The following MSRB3 variants were observed in gnomAD, a reference collection of about 807,000 sequenced individuals.
MSRB3 encodes the protein methionine-R-sulfoxide reductase B3.
In MSRB3, 13 loss-of-function variants were observed where a neutral mutation model predicts 21.0. That is an observed-to-expected ratio of 0.62 (90% confidence interval 0.40 to 0.98). The LOEUF (loss-of-function observed/expected upper bound fraction) is 0.98, where lower values mean the gene tolerates loss of function less well. MSRB3 is among the 50% of genes least tolerant of loss of function. The pLI, the probability that MSRB3 is intolerant of heterozygous loss-of-function variation, is 0.00. For missense variants in MSRB3, 199 were observed against 230.3 expected (o/e 0.86, Z 0.88); for synonymous variants, 87 against 88.6 (o/e 0.98, Z 0.10).
intron 2 of MSRB3, chr12:65,308,945 C>T (rs1347941708): frequency 1.6e-5 from 7 of 449,370 alleles, no homozygotes; most frequent in Admixed American, 7.1e-5. Context: ...CAAATCATAA[C>T]GTTCATAAGA....
chr12:65,452,451 C>T (rs6581635), intron 5 of MSRB3, among the ~76,000 whole-genome samples: 60,832 of 151,938 alleles, frequency 0.4, 12,395 homozygotes, highest in Middle Eastern at 0.54. Flanking sequence ...AAATTCTCTT[C>T]AGAATTTAGA....
chr12:65,325,878 C>T (rs1052955648), intron 2 of MSRB3, among the ~76,000 whole-genome samples: 1 of 152,072 alleles, frequency 6.6e-6, no homozygotes, highest in Non-Finnish European at 1.5e-5. Context: ...GTCATTTGCT[C>T]ATGTAAAATA....
At position 65,361,876 on chromosome 12, in the gene MSRB3, C is replaced by G. The variant is rs1290376435; in HGVS notation, c.264-7122C>G. ...CTTTTGCTCATGATTATCCTGATTT[C>G]TAAATTTCTGGGTTTTAAAATTCTA... On this transcript the variant is annotated intron_variant, in intron 4 of 6. Transcript: ENST00000308259. Among the ~76,000 whole-genome samples, 7 of 152,164 alleles carry G rather than the reference C, an allele frequency of 4.6e-5. No individual in the cohort carries two copies. The East Asian group carries it at 1.4e-3, about 29-fold the overall frequency.
intron 4 of MSRB3, among the ~76,000 whole-genome samples, chr12:65,348,113 G>T (rs1876655036): frequency 6.6e-6 from 1 of 152,182 alleles, no homozygotes; most frequent in South Asian, 2.1e-4. Flanking sequence ...ATGAGTTAGG[G>T]AGGATTCCCT....
chr12:65,293,545 C>A (rs1235572231), intron 1 of MSRB3, among the ~76,000 whole-genome samples: 6 of 152,176 alleles, frequency 3.9e-5, no homozygotes, highest in Non-Finnish European at 8.8e-5. Context: ...ATACTTCTTT[C>A]CTTATTCTTA....
At chr12:65,456,318 T>C (rs1883090241) in intron 6 of MSRB3, among the ~76,000 whole-genome samples, 2 of 152,234 alleles carry the variant, frequency 1.3e-5, no homozygotes, top group Non-Finnish European at 2.9e-5. Context: ...CATAAGATAT[T>C]AACTTTACTT....
chr12:65,338,500 A>G (rs1343716585), intron 4 of MSRB3, among the ~76,000 whole-genome samples: 2 of 152,210 alleles, frequency 1.3e-5, no homozygotes, highest in Non-Finnish European at 2.9e-5. Context: ...TGTCTCACCT[A>G]AGGGAGTGAT....
Position 65,286,413 on chromosome 12 carries a change from A to T in MSRB3, c.-52+7548A>T, listed in dbSNP as rs1165493353. On this transcript the variant is annotated intron_variant, in intron 1 of 6. Transcript: ENST00000308259. ...TAAGACTGGACTTTTAAATAGTCTCATGGATTAGAAGTCAGATACAATAAA... is the reference window on the plus strand; with the variant it reads ...TAAGACTGGACTTTTAAATAGTCTCTTGGATTAGAAGTCAGATACAATAAA... The T allele has an allele frequency of 1.4e-4, 22 of 152,332 alleles. No homozygotes were observed. The South Asian group carries it at 4.3e-3, about 30-fold the overall frequency. The allele number at this position is 152,332 out of a possible 1,614,324, so 9.4% of individuals were successfully genotyped here.
chr12:65,331,594 T>C (rs1470814945), intron 4 of MSRB3, among the ~76,000 whole-genome samples: 2 of 152,174 alleles, frequency 1.3e-5, no homozygotes, highest in East Asian at 3.9e-4. Flanking sequence ...GGCATCTCAG[T>C]GGAGGCGCTC....
At chr12:65,449,345 G>A (rs1882761198) in intron 5 of MSRB3, among the ~76,000 whole-genome samples, 1 of 151,814 alleles carries the variant, frequency 6.6e-6, no homozygotes, top group Non-Finnish European at 1.5e-5. Flanking sequence ...AACAATTCTT[G>A]TTAGCAGGGG....
chr12:65,414,682 AGCAACATGTGACT>A, intron 5 of MSRB3, among the ~76,000 whole-genome samples: 1 of 152,216 alleles, frequency 6.6e-6, no homozygotes, highest in East Asian at 1.9e-4. Flanking sequence ...CCCATCCGTA[AGCAACATGTGACT>A]GTAATTTAAA....
intron 5 of MSRB3, among the ~76,000 whole-genome samples, chr12:65,440,062 A>G (rs1592639956): frequency 6.6e-6 from 1 of 151,998 alleles, no homozygotes; most frequent in South Asian, 2.1e-4. Flanking sequence ...GTTTATAAAC[A>G]TGGTATTTCA....
intron 5 of MSRB3, chr12:65,418,936 G>A (rs957214861): frequency 5.6e-6 from 4 of 713,780 alleles, no homozygotes; most frequent in African/African-American, 1.7e-5. Flanking sequence ...CTACTCCTGG[G>A]CCTGGTGCTG....
At chr12:65,362,303 A>G (rs1453259523) in intron 4 of MSRB3, among the ~76,000 whole-genome samples, 1 of 152,160 alleles carries the variant, frequency 6.6e-6, no homozygotes, top group East Asian at 1.9e-4. Context: ...CCTTCTCCCT[A>G]AATCATCTCT....
intron 2 of MSRB3, among the ~76,000 whole-genome samples, chr12:65,317,929 G>T (rs924305100): frequency 6.6e-6 from 1 of 152,062 alleles, no homozygotes; most frequent in Non-Finnish European, 1.5e-5. Context: ...ACATATACCC[G>T]TTTAGTCCTT....
At chr12:65,437,570 A>G (rs988878578) in intron 5 of MSRB3, among the ~76,000 whole-genome samples, 1 of 151,826 alleles carries the variant, frequency 6.6e-6, no homozygotes, top group East Asian at 1.9e-4. Flanking sequence ...AGACAGGATC[A>G]GTCTGAACAA....
intron 5 of MSRB3, among the ~76,000 whole-genome samples, chr12:65,413,338 T>C (rs1013661810): frequency 3.3e-5 from 5 of 152,198 alleles, no homozygotes; most frequent in Non-Finnish European, 1.5e-5. Context: ...AGATAGTAGG[T>C]GCTTTGTCAT....
intron 5 of MSRB3, among the ~76,000 whole-genome samples, chr12:65,373,825 C>T (rs373751234): frequency 3.9e-5 from 6 of 152,054 alleles, no homozygotes; most frequent in East Asian, 1.9e-4. Context: ...GGAGGGAGGG[C>T]GGAATCCAAG....
At chr12:65,365,398 G>A (rs1422438332) in intron 4 of MSRB3, among the ~76,000 whole-genome samples, 4 of 152,148 alleles carry the variant, frequency 2.6e-5, no homozygotes, top group East Asian at 1.9e-4. Flanking sequence ...CATGATTCAC[G>A]TGAGCCTTGA....
Sources: allele counts gnomAD v4.1 joint callset (sites outside exome capture counted in the v4.1 genomes callset), GRCh38; gene constraint gnomAD v4.1.1; transcripts MANE v1.5; gene names NCBI Gene and HGNC (gene_info 2026-07-23, HGNC 2026-07-21).